Variants in MYO10 observed in about 807,000 individuals in gnomAD.
The protein encoded by MYO10 is myosin X, also known as unconventional myosin-X.
In MYO10, 133 loss-of-function variants were observed where a neutral mutation model predicts 257.3. The observed-to-expected ratio is 0.52, with a 90% CI of 0.45 to 0.60. The LOEUF (loss-of-function observed/expected upper bound fraction) is 0.60. Ranked by LOEUF, MYO10 falls within the 20% of genes least tolerant of loss-of-function variation. The pLI is 0.00. For missense variants in MYO10, 2,399 were observed against 2,635.7 expected (o/e 0.91, Z 1.97); for synonymous variants, 1,104 against 1,028.6 (o/e 1.07, Z -1.40).
chr5:16,699,718 C>T (rs1420255333), intron 25 of MYO10, 145 bp from the exon 26 acceptor site: 7 of 922,452 alleles, frequency 7.6e-6, no homozygotes, highest in Non-Finnish European at 1.1e-5. Flanking sequence ...ACCCAGGAGG[C>T]AGTGACTGCA....
chr5:16,866,690 T>TA (rs951093896), intron 2 of MYO10, among the ~76,000 whole-genome samples: 30 of 148,008 alleles, frequency 2.0e-4, no homozygotes, highest in Admixed American at 4.7e-4. Context: ...AATATACATT[T>TA]AAAAAAAAAA....
intron 9 of MYO10, among the ~76,000 whole-genome samples, chr5:16,777,455 C>G (rs1056813088): frequency 2.0e-5 from 3 of 152,146 alleles, no homozygotes; most frequent in African/African-American, 7.2e-5. Context: ...GATTTCATTC[C>G]ACAGACAGTT....
At chr5:16,813,197 A>G (rs1336378149) in intron 3 of MYO10, among the ~76,000 whole-genome samples, 1 of 152,146 alleles carries the variant, frequency 6.6e-6, no homozygotes, top group Non-Finnish European at 1.5e-5. Flanking sequence ...AAAATGCCAC[A>G]GGAGTCCCTC....
At chr5:16,829,894 C>T (rs1474233526) in intron 2 of MYO10, among the ~76,000 whole-genome samples, 2 of 148,816 alleles carry the variant, frequency 1.3e-5, no homozygotes, top group Non-Finnish European at 3.0e-5. Context: ...AATACACACA[C>T]ACACACACGC....
At chr5:16,815,236 TTG>T (rs1742568917) in intron 3 of MYO10, 5 of 497,782 alleles carry the variant, frequency 1.0e-5, no homozygotes, top group African/African-American at 7.9e-5. Flanking sequence ...TGAGCATCCC[TTG>T]TGTGAAATGC....
chr5:16,845,824 C>T (rs988832999), intron 2 of MYO10, among the ~76,000 whole-genome samples: 7 of 151,780 alleles, frequency 4.6e-5, no homozygotes, highest in African/African-American at 1.7e-4. Context: ...ATTAGCTGGG[C>T]GTGGTGGCAC....
intron 2 of MYO10, among the ~76,000 whole-genome samples, chr5:16,864,599 A>G (rs1415801484): frequency 6.6e-6 from 1 of 152,214 alleles, no homozygotes; most frequent in Non-Finnish European, 1.5e-5. Flanking sequence ...AAAGGACAAG[A>G]GCGTGGCCTG....
intron 21 of MYO10, among the ~76,000 whole-genome samples, chr5:16,707,805 T>C (rs1333661239): frequency 6.6e-6 from 1 of 152,224 alleles, no homozygotes; most frequent in Non-Finnish European, 1.5e-5. Context: ...CAATTCCTAG[T>C]AATGCTTCTC....
At chr5:16,925,740 T>C (rs1746113933) in intron 1 of MYO10, among the ~76,000 whole-genome samples, 1 of 152,130 alleles carries the variant, frequency 6.6e-6, no homozygotes, top group African/African-American at 2.4e-5. Context: ...TACACAGCAT[T>C]GAAAAGTTAT....
chr5:16,769,014 AG>A, intron 10 of MYO10, 59 bp downstream of exon 10: 8 of 1,529,908 alleles, frequency 5.2e-6, no homozygotes, highest in Non-Finnish European at 7.0e-6. Flanking sequence ...TCAATAATTT[AG>A]GTTTAAGTTT....
chr5:16,737,726 T>C (rs1458569636), intron 19 of MYO10, among the ~76,000 whole-genome samples: 1 of 152,144 alleles, frequency 6.6e-6, no homozygotes, highest in African/African-American at 2.4e-5. Flanking sequence ...CCCGGGAAAG[T>C]CTGGAGACGT....
chr5:16,859,795 C>G (rs541735962), intron 2 of MYO10, among the ~76,000 whole-genome samples: 7 of 152,126 alleles, frequency 4.6e-5, no homozygotes, highest in Non-Finnish European at 1.0e-4. Context: ...CAGACCATGG[C>G]AAGGCCCTTC....
At chr5:16,800,356 A>G (rs1742086192) in intron 3 of MYO10, among the ~76,000 whole-genome samples, 5 of 152,174 alleles carry the variant, frequency 3.3e-5, no homozygotes, top group Admixed American at 3.3e-4. Flanking sequence ...CAAGGAGTTC[A>G]AGACCAGCCT....
At chr5:16,829,556 A>G (rs1212689898) in intron 2 of MYO10, among the ~76,000 whole-genome samples, 1 of 152,184 alleles carries the variant, frequency 6.6e-6, no homozygotes, top group Non-Finnish European at 1.5e-5. Context: ...GATGGTGCAC[A>G]CAACATCATA....
intron 1 of MYO10, among the ~76,000 whole-genome samples, chr5:16,885,507 ACTAAAAATG>A (rs1274330445): frequency 6.6e-6 from 1 of 152,072 alleles, no homozygotes; most frequent in Non-Finnish European, 1.5e-5. Context: ...CTCCGTCTCT[ACTAAAAATG>A]CAAAAAATTA....
At chr5:16,747,343 CAG>C (rs1282068299) in intron 19 of MYO10, among the ~76,000 whole-genome samples, 1 of 141,594 alleles carries the variant, frequency 7.1e-6, no homozygotes, top group Non-Finnish European at 1.5e-5. Flanking sequence ...TCAACTAAAA[CAG>C]AATCTATGGC....
intron 3 of MYO10, among the ~76,000 whole-genome samples, chr5:16,813,722 T>C (rs1452214832): frequency 6.6e-6 from 1 of 152,078 alleles, no homozygotes; most frequent in Admixed American, 6.5e-5. Context: ...AAGCCTGAGA[T>C]GGGGAGATCA....
At position 16,701,981 on chromosome 5, in the gene MYO10, A is replaced by C; in HGVS notation, c.2557-143T>G. On this transcript the variant is annotated intron_variant, in intron 24 of 40. Coordinates refer to ENST00000513610, the MANE Select transcript of MYO10 (RefSeq NM_012334.3). This position sits in a 1 kb window ranked among gnomAD's most constrained non-coding sequence, Gnocchi z 8.1. ...GTCTATAGGTTGAAGTCCTAACCCC[A>C]ATACTGCAGAATGTGACTGCATTTG... The C allele has an allele frequency of 1.1e-6, 1 of 911,214 alleles. No individual in the cohort carries two copies. Among genetic ancestry groups the C allele is most frequent in the Non-Finnish European group, 1.6e-6 (1 of 623,974 alleles). 56.4% of individuals were successfully genotyped at this position (911,214 alleles called of 1,614,324 possible).
intron 19 of MYO10, among the ~76,000 whole-genome samples, chr5:16,739,134 T>C (rs2126629089): frequency 6.7e-6 from 1 of 149,456 alleles, no homozygotes; most frequent in East Asian, 2.0e-4. Flanking sequence ...TGTAGTGTGC[T>C]ATGATTGTGC....
Sources: allele counts gnomAD v4.1 joint callset (sites outside exome capture counted in the v4.1 genomes callset), GRCh38; gene constraint gnomAD v4.1.1; non-coding constraint Gnocchi (gnomAD v3.1); transcripts MANE v1.5; gene names NCBI Gene and HGNC (gene_info 2026-07-23, HGNC 2026-07-21).